SUGCT: variants seen among roughly 807,000 people sequenced by gnomAD.
SUGCT encodes the protein succinyl-CoA:glutarate CoA-transferase.
SUGCT carries 41 observed loss-of-function variants against 55.0 expected under a neutral mutation model. That is an observed-to-expected ratio of 0.74 (90% CI 0.58 to 0.97). The LOEUF (loss-of-function observed/expected upper bound fraction) is 0.97, where lower values mean the gene tolerates loss of function less well. Among genes scored for constraint, SUGCT ranks in the 50% least tolerant of loss-of-function variants. SUGCT has a pLI of 0.00. For synonymous variants in SUGCT, 187 were observed against 200.4 expected, an observed-to-expected ratio of 0.93 and a Z score of 0.56; for missense variants, 568 against 547.8, an observed-to-expected ratio of 1.04 and a Z score of -0.37.
intron 12 of SUGCT, among the ~76,000 whole-genome samples, chr7:40,631,713 G>A (rs543166859): frequency 1.8e-3 from 281 of 152,248 alleles, no homozygotes; most frequent in African/African-American, 5.9e-3. Flanking sequence ...CCTGGGTAGG[G>A]TTTGACAGAG....
intron 13 of SUGCT, among the ~76,000 whole-genome samples, chr7:40,822,298 A>C (rs1296807519): frequency 6.6e-6 from 1 of 152,156 alleles, no homozygotes; most frequent in Non-Finnish European, 1.5e-5. Flanking sequence ...TGCAGAGCTG[A>C]GTTCAATTCC....
chr7:40,719,672 T>TGA (rs1373407338), intron 12 of SUGCT, among the ~76,000 whole-genome samples: 10 of 152,108 alleles, frequency 6.6e-5, no homozygotes, highest in Admixed American at 6.5e-4. Context: ...GGGGTGAAGA[T>TGA]GAGAATCTGT....
intron 9 of SUGCT, among the ~76,000 whole-genome samples, chr7:40,374,519 T>G (rs1396800997): frequency 6.6e-6 from 1 of 152,166 alleles, no homozygotes; most frequent in African/African-American, 2.4e-5. Flanking sequence ...GGAGGAATTG[T>G]TCTTGCAAGA....
At chr7:40,576,024 A>G (rs1219589106) in intron 12 of SUGCT, among the ~76,000 whole-genome samples, 1 of 152,176 alleles carries the variant, frequency 6.6e-6, no homozygotes, top group African/African-American at 2.4e-5. Context: ...ACTAGACAGT[A>G]TCACTGAGTT....
At chr7:40,139,168 A>AATCAATCAATC (rs1562788688) in intron 1 of SUGCT, among the ~76,000 whole-genome samples, 2 of 148,838 alleles carry the variant, frequency 1.3e-5, no homozygotes, top group African/African-American at 5.1e-5. Flanking sequence ...ATAAATAAAT[A>AATCAATCAATC]AATAAATAAA....
intron 12 of SUGCT, among the ~76,000 whole-genome samples, chr7:40,676,162 G>A (rs970072928): frequency 1.3e-5 from 2 of 152,160 alleles, no homozygotes; most frequent in African/African-American, 4.8e-5. Flanking sequence ...TACTTTGTAA[G>A]CATCATCAGT....
chr7:40,572,114 A>C (rs561282363), intron 12 of SUGCT, among the ~76,000 whole-genome samples: 1 of 152,020 alleles, frequency 6.6e-6, no homozygotes, highest in South Asian at 2.1e-4. Context: ...TTAGCATTAC[A>C]CAGTGCTTAG....
Position 40,189,608 on chromosome 7 carries a change from T to C in SUGCT, c.363+14T>C, listed in dbSNP as rs1785773549. 7.2e-7 allele frequency: 1 copy of C among 1,388,814 alleles called. No homozygotes were observed. Among genetic ancestry groups the C allele is most frequent in the Non-Finnish European group, 9.6e-7 (1 of 1,041,288 alleles). 86.0% of individuals were successfully genotyped at this position (1,388,814 alleles called of 1,614,324 possible). ...ATCATCAAAGAGGTACAGTATGATGTATAGAAAGCATCCTACCACCTAGGT... is the reference window on the plus strand; with the variant it reads ...ATCATCAAAGAGGTACAGTATGATGCATAGAAAGCATCCTACCACCTAGGT... On this transcript the variant is annotated intron_variant, in intron 5 of 13. Transcript: ENST00000335693.
chr7:40,315,235 G>A (rs1795363836), intron 8 of SUGCT, among the ~76,000 whole-genome samples: 2 of 152,180 alleles, frequency 1.3e-5, no homozygotes, highest in African/African-American at 4.8e-5. Flanking sequence ...GGTCAACAGA[G>A]ATTAGAAACC....
the SUGCT span, among the ~76,000 whole-genome samples, chr7:40,914,601 A>G: frequency 8.1e-4 from 123 of 152,340 alleles, no homozygotes; most frequent in African/African-American, 2.4e-3. Context: ...ATCTTAAAAT[A>G]TGAAAACGCT....
chr7:40,589,403 G>T (rs775861614), intron 12 of SUGCT, among the ~76,000 whole-genome samples: 1 of 152,130 alleles, frequency 6.6e-6, no homozygotes, highest in Non-Finnish European at 1.5e-5. Flanking sequence ...CTTCCAAGAT[G>T]CTGCCTTGAT....
chr7:40,177,970 C>T (rs895076678), intron 1 of SUGCT, among the ~76,000 whole-genome samples: 11 of 152,114 alleles, frequency 7.2e-5, no homozygotes, highest in African/African-American at 2.4e-4. Flanking sequence ...AGGCTGGTTT[C>T]GAATTCCTGA....
chr7:40,403,271 A>G (rs1345580734), intron 9 of SUGCT, among the ~76,000 whole-genome samples: 1 of 152,234 alleles, frequency 6.6e-6, no homozygotes, highest in East Asian at 1.9e-4. Flanking sequence ...AAGCTTAGCA[A>G]CATTACAATC....
the SUGCT span, among the ~76,000 whole-genome samples, chr7:40,963,647 G>A: frequency 1.3e-5 from 2 of 152,112 alleles, no homozygotes; most frequent in Admixed American, 1.3e-4. Context: ...GCATTCTATG[G>A]CATAAATATG....
Position 40,675,108 on chromosome 7 carries a change from T to C in SUGCT, c.1090-74326T>C, listed in dbSNP as rs187468335. On this transcript the variant is annotated intron_variant, in intron 12 of 13. Transcript: ENST00000335693. ...CAGAGTTTCACTCTGTTGCCTGGGC[T>C]GGAGTGTAGTGGTGTGATCTTGGCT... Among the ~76,000 whole-genome samples, 124 of 151,434 alleles carry C rather than the reference T, an allele frequency of 8.2e-4. 1 individual carries two copies. The East Asian group carries it at 0.024, about 29-fold the overall frequency.
At chr7:40,294,882 A>T (rs1229361048) in intron 8 of SUGCT, among the ~76,000 whole-genome samples, 1 of 152,136 alleles carries the variant, frequency 6.6e-6, no homozygotes, top group Non-Finnish European at 1.5e-5. Flanking sequence ...ACTTTGAAAA[A>T]TGAAAATTTA....
intron 9 of SUGCT, among the ~76,000 whole-genome samples, chr7:40,442,925 A>G (rs888680777): frequency 6.6e-6 from 1 of 152,130 alleles, no homozygotes; most frequent in African/African-American, 2.4e-5. Context: ...TCCAATGTCC[A>G]AGTGTTCTCA....
the SUGCT span, among the ~76,000 whole-genome samples, chr7:40,959,714 GAAA>G: frequency 2.1e-5 from 3 of 145,208 alleles, no homozygotes; most frequent in African/African-American, 5.1e-5. Context: ...ACTGGGGTAG[GAAA>G]AAAAAAAAAA....
At chr7:40,135,999 ATTT>A (rs34395438) in intron 1 of SUGCT, among the ~76,000 whole-genome samples, 6 of 112,964 alleles carry the variant, frequency 5.3e-5, no homozygotes, top group South Asian at 2.8e-4. Flanking sequence ...AGGATGCAGG[ATTT>A]TTTTTTTTTT....
Sources: gnomAD v4.1 joint callset for allele counts (sites outside exome capture counted in the v4.1 genomes callset) on GRCh38, gnomAD v4.1.1 for gene constraint, MANE v1.5 for transcripts, NCBI Gene and HGNC (gene_info 2026-07-23, HGNC 2026-07-21) for gene names.